The following DEPDC1 variants were observed in gnomAD, a reference collection of about 807,000 sequenced individuals.
DEPDC1 encodes DEP domain-containing protein 1A.
Under a neutral mutation model 86.8 loss-of-function variants are expected in DEPDC1, and 66 were observed. The observed-to-expected ratio is 0.76, with a 90% CI of 0.62 to 0.93. The LOEUF is 0.93. Among genes scored for constraint, DEPDC1 ranks in the 40% least tolerant of loss-of-function variants. The pLI, the probability that DEPDC1 is intolerant of heterozygous loss-of-function variation, is 0.00. For synonymous variants in DEPDC1, 255 were observed against 314.9 expected, an observed-to-expected ratio of 0.81 and a Z score of 2.02; for missense variants, 792 against 935.7, an observed-to-expected ratio of 0.85 and a Z score of 2.00.
Position 68,489,611 on chromosome 1 carries a change from G to T in DEPDC1, c.315-3C>A. ...TAAGTGGCGAAGTTGCAGGAAATCT[G>T]GTTTAAAAACAATAAGCAATTAAAT... is the stretch of plus-strand genomic sequence containing the variant. On this transcript the variant is annotated splice_polypyrimidine_tract_variant and splice_region_variant and intron_variant, in intron 2 of 11. Transcript: ENST00000456315. The T allele has an allele frequency of 6.5e-7, 1 of 1,527,648 alleles. No homozygotes were observed. The highest frequency in any genetic ancestry group is 1.3e-5 in the South Asian group (1 of 74,576). 94.6% of individuals were successfully genotyped at this position (1,527,648 alleles called of 1,614,324 possible).
intron 6 of DEPDC1, 111 bp downstream of exon 6, chr1:68,486,826 A>C (rs1012059920): frequency 2.6e-6 from 3 of 1,144,994 alleles, no homozygotes; most frequent in Non-Finnish European, 2.3e-6. Context: ...GATATACTTT[A>C]ATTTTATCAG....
rs1646107488 is a variant in DEPDC1, at chr1:68,475,273, G to T, written c.*1659C>A. 6.6e-6 allele frequency: 1 copy of T among 151,822 alleles called. No individual in the cohort carries two copies. The allele number at this position is 151,822 out of a possible 1,614,324, so 9.4% of individuals were successfully genotyped here. ...ACATTAGTGCAAATGAAAGTTGCCT[G>T]CCTTTATTATTTATATATTTGTCTA... On this transcript the variant is annotated 3_prime_UTR_variant, in exon 12 of 12. Coordinates refer to ENST00000456315, the MANE Select transcript of DEPDC1 (RefSeq NM_001114120.3).
At chr1:68,495,812 C>T (rs560122817) in intron 1 of DEPDC1, among the ~76,000 whole-genome samples, 73 of 152,262 alleles carry the variant, frequency 4.8e-4, no homozygotes, top group Admixed American at 9.8e-4. Flanking sequence ...AAGGACCTAA[C>T]GAATGGGCTT....
chr1:68,480,283 C>CACACAA (rs71581172), intron 9 of DEPDC1, among the ~76,000 whole-genome samples: 1 of 150,648 alleles, frequency 6.6e-6, no homozygotes, highest in Non-Finnish European at 1.5e-5. Context: ...CACACACACA[C>CACACAA]CCCTCATTCT....
At position 68,474,847 on chromosome 1, in the gene DEPDC1, C is replaced by CTT. The variant is rs1017789887; in HGVS notation, c.*2083_*2084dup. The CTT allele has an allele frequency of 5.8e-4, 88 of 152,068 alleles. No homozygotes were observed. Among genetic ancestry groups the CTT allele is most frequent in the African/African-American group, 2.1e-3 (87 of 41,526 alleles). The allele number at this position is 152,068 out of a possible 1,614,324, so 9.4% of individuals were successfully genotyped here. Reference sequence around the variant, plus strand: ...TTCAACCAGTAGGCATAATCAGAACCTTTGTCTCATAATGAAAAGATAGTT... The same window carrying CTT: ...TTCAACCAGTAGGCATAATCAGAACCTTTTTGTCTCATAATGAAAAGATAGTT... On this transcript the variant is annotated 3_prime_UTR_variant, in exon 12 of 12. Coordinates refer to ENST00000456315, the MANE Select transcript of DEPDC1 (RefSeq NM_001114120.3).
At chr1:68,477,671 C>T in intron 11 of DEPDC1, 116 bp downstream of exon 11, 1 of 702,258 alleles carries the variant, frequency 1.4e-6, no homozygotes, top group Non-Finnish European at 2.1e-6. Context: ...GTCTATATAA[C>T]TCAAACTTAA....
intron 9 of DEPDC1, among the ~76,000 whole-genome samples, chr1:68,480,178 C>T (rs1333921454): frequency 6.6e-6 from 1 of 151,428 alleles, no homozygotes; most frequent in African/African-American, 2.4e-5. Context: ...TCTTCAAATC[C>T]TGGGATAAAA....
rs374973337 is a variant in DEPDC1 at position 68,482,064 on chromosome 1, T to A, written c.1744A>T (p.Met582Leu). 6 of 1,597,308 alleles carry A rather than the reference T, an allele frequency of 3.8e-6. No homozygotes were observed. The highest frequency in any genetic ancestry group is 1.4e-5 in the African/African-American group (1 of 73,982). The change falls in exon 8 of 12, where the codon ATG (methionine) becomes TTG (leucine). Residue 582 changes from methionine (M) to leucine (L), a missense_variant. Coordinates refer to ENST00000456315, the MANE Select transcript of DEPDC1 (RefSeq NM_001114120.3). ...GCCTTACTTTGTGTGCCAGTCAACA[T>A]AGAAGAAGCTGGAAGTAAAGAATTT... ...SENSLLPASS[M>L]LTGTQSLLQP...
chr1:68,477,952 TC>T lies in DEPDC1; in HGVS notation c.2132del (p.Gly711AspfsTer36). On this transcript the variant is annotated frameshift_variant, in exon 11 of 12. Coordinates refer to ENST00000456315, the MANE Select transcript of DEPDC1 (RefSeq NM_001114120.3). LOFTEE classifies it high-confidence loss of function. ...KKGHIENPGDGLFAPLPTYSY... is the reference protein window; with the variant it reads ...KKGHIENPGDXLFAPLPTYSY... ...AGTAAGTTGGCAAAGGAGCAAATAG[TC>T]CATCTCCAGGATTTTCAATCTGTAG... 6.5e-7 allele frequency: 1 copy of T among 1,545,082 alleles called. No homozygotes were observed.
At chr1:68,488,351 C>A (rs904964421) in intron 5 of DEPDC1, 23 bp downstream of exon 5, 1 of 1,554,092 alleles carries the variant, frequency 6.4e-7, no homozygotes, top group Non-Finnish European at 8.6e-7. Context: ...TTTTAAAAGT[C>A]CAATTATTTT....
At chr1:68,485,698 C>T (rs948630322) in intron 6 of DEPDC1, among the ~76,000 whole-genome samples, 1 of 151,864 alleles carries the variant, frequency 6.6e-6, no homozygotes, top group Non-Finnish European at 1.5e-5. Context: ...GCTAACTATA[C>T]CTGGAAAGTA....
At chr1:68,478,079 C>T (rs1646129772) in intron 10 of DEPDC1, 107 bp from the exon 11 acceptor site, 1 of 771,282 alleles carries the variant, frequency 1.3e-6, no homozygotes, top group Non-Finnish European at 1.9e-6. Flanking sequence ...ACCAATCAAA[C>T]ATTCAGCCAT....
intron 2 of DEPDC1, among the ~76,000 whole-genome samples, chr1:68,493,472 G>A (rs1012882859): frequency 3.9e-5 from 6 of 152,130 alleles, no homozygotes; most frequent in African/African-American, 1.4e-4. Context: ...TAAAAGAAAT[G>A]TATAAGTTTA....
At position 68,477,982 on chromosome 1, in the gene DEPDC1, T is replaced by C. The variant is rs12119046; in HGVS notation, c.2113-10A>G. The C allele has an allele frequency of 6.6e-7, 1 of 1,505,684 alleles. No homozygotes were observed. Among genetic ancestry groups the C allele is most frequent in the Non-Finnish European group, 8.9e-7 (1 of 1,123,180 alleles). 93.3% of individuals were successfully genotyped at this position (1,505,684 alleles called of 1,614,324 possible). On this transcript the variant is annotated splice_polypyrimidine_tract_variant and intron_variant, in intron 10 of 11. Coordinates refer to ENST00000456315, the MANE Select transcript of DEPDC1 (RefSeq NM_001114120.3). Reference sequence around the variant, plus strand: ...CTCCAGGATTTTCAATCTGTAGTGATCAAAATGATATAACTCTGTTAATTC... The same window carrying C: ...CTCCAGGATTTTCAATCTGTAGTGACCAAAATGATATAACTCTGTTAATTC...
Position 68,482,088 on chromosome 1 carries a change from T to C in DEPDC1, c.1720A>G (p.Asn574Asp), listed in dbSNP as rs917764920. Residue 574 changes from asparagine to aspartate, a missense_variant, in exon 8 of 12, where the codon AAT (asparagine) becomes GAT (aspartate). Transcript: ENST00000456315. ...ATAGAAGAAGCTGGAAGTAAAGAAT[T>C]TTCTGAAAGTTCTATTGTACTTTTG... ...LCKSTIELSE[N>D]SLLPASSMLT... 1.2e-6 allele frequency: 2 copies of C among 1,603,948 alleles called. No homozygotes were observed. Among genetic ancestry groups the C allele is most frequent in the Non-Finnish European group, 1.7e-6 (2 of 1,176,780 alleles).
At position 68,484,060 on chromosome 1, in the gene DEPDC1, G is replaced by C; in HGVS notation, c.800C>G (p.Thr267Ser). Residue 267 changes from threonine (T) to serine (S), a missense_variant, in exon 7 of 12, where the codon ACT (threonine) becomes AGT (serine). By Grantham distance (58) the Thr-to-Ser change is moderately conservative. Coordinates refer to ENST00000456315, the MANE Select transcript of DEPDC1 (RefSeq NM_001114120.3). ...TACATCTCGTTCAAATCCAACATAAGTTGGATTATTCATATCATTGCTTCT... is the reference window on the plus strand; with the variant it reads ...TACATCTCGTTCAAATCCAACATAACTTGGATTATTCATATCATTGCTTCT... ...WPRSNDMNNP[T>S]YVGFERDVFR... The C allele has an allele frequency of 2.5e-6, 4 of 1,582,882 alleles. No homozygotes were observed. Among genetic ancestry groups the C allele is most frequent in the Non-Finnish European group, 3.4e-6 (4 of 1,168,554 alleles).
At position 68,488,455 on chromosome 1, in the gene DEPDC1, T is replaced by G. The variant is rs1453746810; in HGVS notation, c.640A>C (p.Lys214Gln). 7.5e-6 allele frequency: 12 copies of G among 1,607,352 alleles called. No homozygotes were observed. Among genetic ancestry groups the G allele is most frequent in the Non-Finnish European group, 9.3e-6 (11 of 1,177,524 alleles). ...ATTATATATTGGGGAATTACTTGTT[T>G]TGGATTTATGACTTCTTCTAGGGAT... is the stretch of plus-strand genomic sequence containing the variant. ...VPSLEEVINP[K>Q]QVIPQYIMYN... The change falls in exon 5 of 12, where the codon AAA becomes CAA. Residue 214 changes from lysine (K) to glutamine (Q), a missense_variant. By Grantham distance (53) the Lys-to-Gln change is moderately conservative. Transcript: ENST00000456315.
At chr1:68,479,088 G>A (rs1192082959) in intron 10 of DEPDC1, 56 bp downstream of exon 10, 1 of 1,441,256 alleles carries the variant, frequency 6.9e-7, no homozygotes, top group Non-Finnish European at 9.4e-7. Context: ...ATTTTGAGAT[G>A]AGTTTGCCAC....
At chr1:68,495,421 A>G (rs541915889) in intron 1 of DEPDC1, among the ~76,000 whole-genome samples, 1 of 152,330 alleles carries the variant, frequency 6.6e-6, no homozygotes, top group East Asian at 1.9e-4. Flanking sequence ...TTCTATGAAT[A>G]GGTACTATTA....
Sources: gnomAD v4.1 joint callset for allele counts (sites outside exome capture counted in the v4.1 genomes callset) on GRCh38, gnomAD v4.1.1 for gene constraint, MANE v1.5 for transcripts, NCBI Gene and HGNC (gene_info 2026-07-23, HGNC 2026-07-21) for gene names.